Variants in SASH1 observed in about 807,000 individuals in gnomAD.
SASH1 encodes SAM and SH3 domain-containing protein 1.
In SASH1, 44 loss-of-function variants were observed where a neutral mutation model predicts 125.2. The observed-to-expected ratio is 0.35, with a 90% CI of 0.28 to 0.45. The LOEUF (loss-of-function observed/expected upper bound fraction) is 0.45, where lower values mean the gene tolerates loss of function less well. Ranked by LOEUF, SASH1 falls within the 20% of genes least tolerant of loss-of-function variation. The pLI is 1.00. For synonymous variants in SASH1, 639 were observed against 649.1 expected (o/e 0.98, Z 0.24); for missense variants, 1,426 against 1,614.5 (o/e 0.88, Z 2.00).
intron 1 of SASH1, among the ~76,000 whole-genome samples, chr6:148,381,613 C>CTTTTTTTTTTT (rs1554247833): frequency 1.5e-5 from 1 of 67,192 alleles, no homozygotes; most frequent in Non-Finnish European, 2.9e-5. Context: ...GCCTTTCTTG[C>CTTTTTTTTTTT]TTTCTTTTTT....
At chr6:148,377,178 A>AC (rs1371076264) in intron 1 of SASH1, among the ~76,000 whole-genome samples, 1 of 63,926 alleles carries the variant, frequency 1.6e-5, no homozygotes, top group Non-Finnish European at 3.3e-5. Context: ...TCAAAAAAAA[A>AC]AAAAACAAAA....
chr6:148,273,827 G>A (rs1582903466), intron 1 of SASH1, among the ~76,000 whole-genome samples: 1 of 152,208 alleles, frequency 6.6e-6, no homozygotes, highest in East Asian at 1.9e-4. Flanking sequence ...TGTCTCTGAG[G>A]AGCTGAGAAC....
At chr6:148,474,286 T>G in intron 7 of SASH1, 64 bp downstream of exon 7, 1 of 1,013,924 alleles carries the variant, frequency 9.9e-7, no homozygotes, top group Non-Finnish European at 1.5e-6. Context: ...TAAAAATGTT[T>G]GCGGCCAACA....
rs138553460 is a variant in SASH1, at chr6:148,357,778, G to A, written c.156+14555G>A. Among the ~76,000 whole-genome samples the A allele has an allele frequency of 3.7e-4, 56 of 152,160 alleles. 1 individual carries two copies. In the South Asian group the frequency reaches 8.9e-3, roughly 24 times the overall value. On this transcript the variant is annotated intron_variant, in intron 1 of 19. Transcript: ENST00000367467. ...TCCTGTTGTCACCTAAAAGATTTTC[G>A]GCCAGGCACAGTGGCTCACACCTGT... is the stretch of plus-strand genomic sequence containing the variant.
intron 1 of SASH1, among the ~76,000 whole-genome samples, chr6:148,283,939 T>A (rs1247411812): frequency 3.2e-4 from 48 of 149,980 alleles, no homozygotes; most frequent in Non-Finnish European, 1.5e-5. Flanking sequence ...TTTTTTTTTT[T>A]AATGAATAAC....
chr6:148,301,199 G>A (rs939384534), intron 1 of SASH1, among the ~76,000 whole-genome samples: 1 of 151,692 alleles, frequency 6.6e-6, no homozygotes, highest in African/African-American at 2.4e-5. Flanking sequence ...GGTGGTGCAT[G>A]CCTGTAATCC....
intron 2 of SASH1, among the ~76,000 whole-genome samples, chr6:148,423,227 G>A (rs975950153): frequency 2.0e-5 from 3 of 152,172 alleles, no homozygotes; most frequent in African/African-American, 4.8e-5. Context: ...GTGAGCCACC[G>A]CGCCCAGCCC....
intron 13 of SASH1, 64 bp downstream of exon 13, chr6:148,531,725 C>G (rs1453039442): frequency 7.6e-7 from 1 of 1,317,400 alleles, no homozygotes; most frequent in Non-Finnish European, 9.9e-7. Flanking sequence ...ATACTGAGCA[C>G]TAGGTTCAGG....
rs1781655225 is a variant in SASH1, at chr6:148,533,623, C to T, written c.1735-148C>T. On this transcript the variant is annotated intron_variant, in intron 14 of 19. Transcript: ENST00000367467. This position sits in a 1 kb window ranked among gnomAD's most constrained non-coding sequence, Gnocchi z 6.2. The stretch of plus-strand genomic sequence containing the variant: ...GCGGAGCTCACAGTCACATCCTATG[C>T]AGGTCACTCAGAGGGGTGACTTGTG... The T allele has an allele frequency of 2.8e-6, 2 of 721,292 alleles. No homozygotes were observed. Among genetic ancestry groups the T allele is most frequent in the Middle Eastern group, 4.1e-4 (1 of 2,434 alleles). The allele number at this position is 721,292 out of a possible 1,614,324, so 44.7% of individuals were successfully genotyped here. A position where few individuals can be genotyped will look rare whatever the true frequency, so the allele number is the denominator to read the frequency against.
intron 1 of SASH1, among the ~76,000 whole-genome samples, chr6:148,313,917 A>G (rs1780405383): frequency 6.6e-6 from 1 of 152,028 alleles, no homozygotes; most frequent in Non-Finnish European, 1.5e-5. Flanking sequence ...CATAGCTCTG[A>G]TTTTTGGTCA....
intron 2 of SASH1, among the ~76,000 whole-genome samples, chr6:148,400,602 T>TA (rs1328243966): frequency 6.6e-6 from 1 of 151,748 alleles, no homozygotes; most frequent in African/African-American, 2.4e-5. Flanking sequence ...AATACAAAAA[T>TA]AAACAGGGCG....
At chr6:148,246,732 C>T in the SASH1 span, among the ~76,000 whole-genome samples, 1 of 152,168 alleles carries the variant, frequency 6.6e-6, no homozygotes, top group Admixed American at 6.5e-5. Flanking sequence ...GATCTTCAGC[C>T]TCCAAAATAT....
intron 1 of SASH1, among the ~76,000 whole-genome samples, chr6:148,387,625 T>G (rs371940818): frequency 3.1e-5 from 2 of 63,728 alleles, no homozygotes; most frequent in Non-Finnish European, 6.2e-5. Context: ...TCTTTCTTTC[T>G]TTCTTTCTTT....
intron 1 of SASH1, among the ~76,000 whole-genome samples, chr6:148,384,462 A>T (rs1387140441): frequency 6.6e-6 from 1 of 152,228 alleles, no homozygotes; most frequent in Non-Finnish European, 1.5e-5. Flanking sequence ...AAGTCTTATT[A>T]TAGTTACAAG....
chr6:148,219,201 C>G, the SASH1 span, among the ~76,000 whole-genome samples: 1 of 152,182 alleles, frequency 6.6e-6, no homozygotes, highest in Non-Finnish European at 1.5e-5. Flanking sequence ...TTCTCCATCT[C>G]CCTCACCTCC....
chr6:148,362,170 G>A lies in SASH1; in HGVS notation c.156+18947G>A, dbSNP rs370993593. Among the ~76,000 whole-genome samples the A allele has an allele frequency of 2.1e-4, 32 of 151,114 alleles. No individual in the cohort carries two copies. The South Asian group carries it at 4.2e-3, about 20-fold the overall frequency. On this transcript the variant is annotated intron_variant, in intron 1 of 19. Coordinates refer to ENST00000367467, the MANE Select transcript of SASH1 (RefSeq NM_015278.5). The stretch of plus-strand genomic sequence containing the variant: ...TCTCGATATCCTGACCTTGTGATCC[G>A]CCCACCTTGGCCTCCCAAAGTGCTG...
At chr6:148,330,379 G>T (rs1780957793) in intron 1 of SASH1, among the ~76,000 whole-genome samples, 1 of 151,998 alleles carries the variant, frequency 6.6e-6, no homozygotes, top group Non-Finnish European at 1.5e-5. Flanking sequence ...AAATTTATTG[G>T]AAAAAAATAT....
chr6:148,486,231 C>T (rs1216160055), intron 7 of SASH1, among the ~76,000 whole-genome samples: 1 of 152,188 alleles, frequency 6.6e-6, no homozygotes, highest in East Asian at 1.9e-4. Flanking sequence ...AGCGATTCTC[C>T]TGCCTCAGCC....
intron 8 of SASH1, among the ~76,000 whole-genome samples, chr6:148,505,058 C>T (rs1469407683): frequency 6.6e-6 from 1 of 152,150 alleles, no homozygotes; most frequent in Non-Finnish European, 1.5e-5. Context: ...ACGAGGGCTT[C>T]CTTACCTGCC....
Sources: allele counts gnomAD v4.1 joint callset (sites outside exome capture counted in the v4.1 genomes callset), GRCh38; gene constraint gnomAD v4.1.1; non-coding constraint Gnocchi (gnomAD v3.1); transcripts MANE v1.5; gene names NCBI Gene and HGNC (gene_info 2026-07-23, HGNC 2026-07-21).